Variants in OSBPL10 observed in about 807,000 individuals in gnomAD.
OSBPL10 encodes the protein oxysterol binding protein like 10.
A neutral mutation model predicts 81.7 loss-of-function variants in OSBPL10; 49 were observed. The observed-to-expected ratio is 0.60, with a 90% CI of 0.48 to 0.76. OSBPL10 has a LOEUF of 0.76. OSBPL10 is among the 30% of genes least tolerant of loss of function. OSBPL10 has a pLI of 0.00. For synonymous variants in OSBPL10, 419 were observed against 383.6 expected, an observed-to-expected ratio of 1.09 and a Z score of -1.08; for missense variants, 923 against 987.8, an observed-to-expected ratio of 0.93 and a Z score of 0.88.
chr3:31,926,955 T>TA (rs908771787), intron 1 of OSBPL10, among the ~76,000 whole-genome samples: 4 of 151,728 alleles, frequency 2.6e-5, no homozygotes, highest in African/African-American at 9.7e-5. Context: ...ACTAAAAATA[T>TA]AAAAAATTAG....
intron 1 of OSBPL10, among the ~76,000 whole-genome samples, chr3:32,052,813 G>T (rs916150908): frequency 6.6e-6 from 1 of 152,092 alleles, no homozygotes; most frequent in Non-Finnish European, 1.5e-5. Flanking sequence ...GGAGTTGGGG[G>T]CAAGGGGAGG....
At chr3:31,970,854 A>G (rs918945496) in intron 1 of OSBPL10, among the ~76,000 whole-genome samples, 1 of 152,176 alleles carries the variant, frequency 6.6e-6, no homozygotes, top group African/African-American at 2.4e-5. Flanking sequence ...CACACTCCAC[A>G]TACAACCTGC....
At chr3:32,009,987 A>G (rs1699237766) in intron 2 of OSBPL10, among the ~76,000 whole-genome samples, 4 of 152,162 alleles carry the variant, frequency 2.6e-5, no homozygotes, top group African/African-American at 7.2e-5. Context: ...CTAACTCCCA[A>G]TGTGACTGTA....
chr3:31,760,662 G>A (rs73826888), intron 4 of OSBPL10, among the ~76,000 whole-genome samples: 3,113 of 152,220 alleles, frequency 0.02, 100 homozygotes, highest in African/African-American at 0.071. Context: ...CCACAGATAC[G>A]GAGGGCTGAC....
upstream of OSBPL10, chr3:31,981,359 C>G: frequency 9.0e-7 from 1 of 1,110,348 alleles, no homozygotes; most frequent in South Asian, 3.6e-5. This position sits in a 1 kb window ranked among gnomAD's most constrained non-coding sequence, Gnocchi z 4.5. Flanking sequence ...GGAAGGAAGC[C>G]AACGGGGCTG....
intron 4 of OSBPL10, among the ~76,000 whole-genome samples, chr3:31,768,218 T>G (rs1224518804): frequency 6.6e-6 from 1 of 152,152 alleles, no homozygotes; most frequent in Non-Finnish European, 1.5e-5. Context: ...AATTAGCATA[T>G]GACCAGTAGT....
At chr3:31,923,358 G>C (rs887521991) in intron 1 of OSBPL10, among the ~76,000 whole-genome samples, 1 of 152,214 alleles carries the variant, frequency 6.6e-6, no homozygotes, top group African/African-American at 2.4e-5. Context: ...CAGAGTGAAA[G>C]TTGTCAGTTT....
chr3:31,827,454 G>A (rs529096075), intron 4 of OSBPL10, among the ~76,000 whole-genome samples: 1 of 152,220 alleles, frequency 6.6e-6, no homozygotes, highest in Admixed American at 6.5e-5. Context: ...GGCTAACACG[G>A]TGAAACCCCG....
At chr3:31,824,552 T>C (rs1173283938) in intron 4 of OSBPL10, among the ~76,000 whole-genome samples, 1 of 152,172 alleles carries the variant, frequency 6.6e-6, no homozygotes, top group African/African-American at 2.4e-5. Context: ...ATATGTACAG[T>C]TTGATATCGT....
At chr3:31,945,471 G>T (rs911713349) in intron 1 of OSBPL10, among the ~76,000 whole-genome samples, 2 of 152,304 alleles carry the variant, frequency 1.3e-5, no homozygotes, top group Admixed American at 1.3e-4. Flanking sequence ...TTTGTTCATT[G>T]TTTTTATTTT....
intron 1 of OSBPL10, among the ~76,000 whole-genome samples, chr3:31,943,085 T>C (rs1274051334): frequency 1.3e-5 from 2 of 152,248 alleles, no homozygotes; most frequent in Non-Finnish European, 2.9e-5. Context: ...TGATATTTCA[T>C]ACAATGGGAA....
At chr3:31,970,961 A>G (rs967331302) in intron 1 of OSBPL10, among the ~76,000 whole-genome samples, 1 of 152,144 alleles carries the variant, frequency 6.6e-6, no homozygotes, top group African/African-American at 2.4e-5. Context: ...CTTTGTCTGC[A>G]TGATGAACTC....
At chr3:31,706,583 C>A (rs1372005166) in intron 6 of OSBPL10, among the ~76,000 whole-genome samples, 1 of 152,018 alleles carries the variant, frequency 6.6e-6, no homozygotes, top group African/African-American at 2.4e-5. Flanking sequence ...GCCACCGAGG[C>A]CAAAGCCAGG....
At chr3:31,951,585 T>A (rs1217963999) in intron 1 of OSBPL10, among the ~76,000 whole-genome samples, 1 of 151,798 alleles carries the variant, frequency 6.6e-6, no homozygotes, top group Non-Finnish European at 1.5e-5. Flanking sequence ...CTGTTACATA[T>A]ATGATTGCAT....
At chr3:31,773,989 C>A (rs1698463968) in intron 4 of OSBPL10, among the ~76,000 whole-genome samples, 2 of 151,786 alleles carry the variant, frequency 1.3e-5, no homozygotes, top group South Asian at 4.2e-4. Context: ...TGGTGAAACC[C>A]CGTCTCTACT....
intron 1 of OSBPL10, among the ~76,000 whole-genome samples, chr3:32,074,173 C>A (rs4955236): frequency 8.6e-5 from 13 of 151,906 alleles, no homozygotes; most frequent in African/African-American, 1.9e-4. Flanking sequence ...CTCACTTTAC[C>A]CGCCTGAGGA....
chr3:31,841,231 A>G (rs113222043), intron 3 of OSBPL10, among the ~76,000 whole-genome samples: 6 of 152,232 alleles, frequency 3.9e-5, no homozygotes, highest in African/African-American at 1.4e-4. Flanking sequence ...AAACACAAAT[A>G]TGTTTAGATC....
chr3:31,917,990 A>C (rs919279622), intron 1 of OSBPL10, among the ~76,000 whole-genome samples: 2 of 152,124 alleles, frequency 1.3e-5, no homozygotes, highest in Admixed American at 6.5e-5. Flanking sequence ...TCAATGAATA[A>C]GTGAAACCAT....
At chr3:31,662,549 C>T (rs566322878) in intron 11 of OSBPL10, 3 of 1,003,496 alleles carry the variant, frequency 3.0e-6, no homozygotes, top group Middle Eastern at 5.0e-4. Context: ...TAGTCACAAA[C>T]AAATCAGCAC....
Sources: allele counts gnomAD v4.1 joint callset (sites outside exome capture counted in the v4.1 genomes callset), GRCh38; gene constraint gnomAD v4.1.1; non-coding constraint Gnocchi (gnomAD v3.1); transcripts MANE v1.5; gene names NCBI Gene and HGNC (gene_info 2026-07-23, HGNC 2026-07-21).